The following RHOBTB2 variants were observed in gnomAD, a reference collection of about 807,000 sequenced individuals.
The protein encoded by RHOBTB2 is rho-related BTB domain-containing protein 2.
Under a neutral mutation model 66.5 loss-of-function variants are expected in RHOBTB2, and 39 were observed. The ratio of observed to expected loss-of-function variants is 0.59; its 90% CI spans 0.45 to 0.77. The LOEUF (loss-of-function observed/expected upper bound fraction) is 0.77. Ranked by LOEUF, RHOBTB2 falls within the 30% of genes least tolerant of loss-of-function variation. The probability of loss-of-function intolerance (pLI) is 0.00; values close to 1 mark genes in which losing one functional copy is unlikely to be tolerated. For synonymous variants in RHOBTB2, 390 were observed against 395.0 expected (o/e 0.99, Z 0.15); for missense variants, 755 against 999.1 (o/e 0.76, Z 3.29).
the RHOBTB2 span, among the ~76,000 whole-genome samples, chr8:22,974,877 C>T: frequency 6.6e-6 from 1 of 152,154 alleles, no homozygotes; most frequent in Non-Finnish European, 1.5e-5. Flanking sequence ...ACTTTAAAGA[C>T]CCGCGCATAA....
Position 23,006,284 on chromosome 8 carries a change from T to TGCTC in RHOBTB2, c.482+140_482+143dup. On this transcript the variant is annotated intron_variant, in intron 4 of 9. Transcript: ENST00000251822. This position sits in a 1 kb window ranked among gnomAD's most constrained non-coding sequence, Gnocchi z 6.1. ...AGCTTGCATTGGGAGTCAACAAGCA[T>TGCTC]GCTCATTCATTCATTCATTCATATA... The TGCTC allele has an allele frequency of 7.0e-6, 5 of 717,550 alleles. No individual in the cohort carries two copies. In the South Asian group the frequency reaches 8.8e-5, roughly 13 times the overall value. The allele number at this position is 717,550 out of a possible 1,614,324, so 44.4% of individuals were successfully genotyped here. A position where few individuals can be genotyped will look rare whatever the true frequency, so the allele number is the denominator to read the frequency against.
chr8:23,009,997 CTG>C (rs1811088563), intron 6 of RHOBTB2, among the ~76,000 whole-genome samples: 1 of 152,208 alleles, frequency 6.6e-6, no homozygotes, highest in Admixed American at 6.5e-5. Flanking sequence ...AAGAAATCAG[CTG>C]CTGTGGGCCT....
chr8:22,979,994 G>A, the RHOBTB2 span, among the ~76,000 whole-genome samples: 2 of 151,902 alleles, frequency 1.3e-5, no homozygotes, highest in Non-Finnish European at 2.9e-5. Context: ...TATTGACCTC[G>A]TGATCCACCC....
At chr8:23,007,820 G>C in intron 5 of RHOBTB2, 74 bp downstream of exon 5, 2 of 1,566,346 alleles carry the variant, frequency 1.3e-6, no homozygotes, top group Middle Eastern at 3.4e-4. Flanking sequence ...CTCAGCTCCT[G>C]GTGTCCTGGA....
chr8:23,000,480 T>C (rs756800109), intron 1 of RHOBTB2, among the ~76,000 whole-genome samples: 44 of 152,226 alleles, frequency 2.9e-4, no homozygotes, highest in Non-Finnish European at 5.7e-4. Context: ...GGTGTTTTGC[T>C]GGCGGTTCCG....
the RHOBTB2 span, among the ~76,000 whole-genome samples, chr8:22,957,962 C>T: frequency 7.6e-3 from 1,157 of 152,274 alleles, 13 homozygotes; most frequent in African/African-American, 0.026. Context: ...GTGTTTAATC[C>T]TAAACGGGTC....
At chr8:22,960,871 G>A in the RHOBTB2 span, among the ~76,000 whole-genome samples, 1 of 152,180 alleles carries the variant, frequency 6.6e-6, no homozygotes, top group Admixed American at 6.5e-5. Context: ...TCCCTGGGCA[G>A]TTCATTGGGA....
At chr8:22,978,900 A>G in the RHOBTB2 span, among the ~76,000 whole-genome samples, 1 of 152,138 alleles carries the variant, frequency 6.6e-6, no homozygotes, top group Non-Finnish European at 1.5e-5. Flanking sequence ...TTATCTTTGA[A>G]AGTAAGTTTA....
chr8:22,971,195 T>G, the RHOBTB2 span, among the ~76,000 whole-genome samples: 1 of 152,042 alleles, frequency 6.6e-6, no homozygotes, highest in African/African-American at 2.4e-5. Flanking sequence ...TTCTGTATTT[T>G]TTTTTAAGAG....
At chr8:23,012,294 G>A (rs1179146630) in intron 7 of RHOBTB2, among the ~76,000 whole-genome samples, 2 of 152,212 alleles carry the variant, frequency 1.3e-5, no homozygotes, top group African/African-American at 4.8e-5. Context: ...AAAACCGTTG[G>A]TGAAGCACAC....
At position 23,007,184 on chromosome 8, in the gene RHOBTB2, C is replaced by T. The variant is rs1810988478; in HGVS notation, c.939C>T (p.Gly313=). The change falls in exon 5 of 10, where the codon GGC becomes GGT. Residue 313 remains glycine, a synonymous_variant. Coordinates refer to ENST00000251822, the MANE Select transcript of RHOBTB2 (RefSeq NM_015178.3). The part of the protein sequence containing the change: ...GELGGPSEPG[G]THPEDHQGHS... The stretch of plus-strand genomic sequence containing the variant: ...TGGGGGGCCCCTCGGAGCCAGGGGG[C>T]ACCCACCCAGAGGACCACCAGGGCC... 1 of 1,603,660 alleles carries T rather than the reference C, an allele frequency of 6.2e-7. No homozygotes were observed.
intron 7 of RHOBTB2, among the ~76,000 whole-genome samples, chr8:23,010,966 ACACC>A (rs1811129233): frequency 1.3e-5 from 2 of 152,244 alleles, no homozygotes; most frequent in Admixed American, 6.5e-5. Flanking sequence ...ACAGAGGCTC[ACACC>A]TATAATCCCA....
At chr8:22,964,158 T>C in the RHOBTB2 span, among the ~76,000 whole-genome samples, 1 of 152,112 alleles carries the variant, frequency 6.6e-6, no homozygotes, top group African/African-American at 2.4e-5. Flanking sequence ...TGAGACTCAT[T>C]TATTATTGCA....
chr8:22,973,395 AT>A, the RHOBTB2 span, among the ~76,000 whole-genome samples: 1 of 151,604 alleles, frequency 6.6e-6, no homozygotes, highest in Non-Finnish European at 1.5e-5. Flanking sequence ...TACAGGACTA[AT>A]TTTTTTTATT....
chr8:22,986,478 T>G (rs986179545), upstream of RHOBTB2, among the ~76,000 whole-genome samples: 1 of 151,736 alleles, frequency 6.6e-6, no homozygotes, highest in Non-Finnish European at 1.5e-5. Context: ...AGGCTGGTCT[T>G]GAACTACTGG....
At chr8:22,959,590 C>T in the RHOBTB2 span, among the ~76,000 whole-genome samples, 1 of 152,102 alleles carries the variant, frequency 6.6e-6, no homozygotes, top group Non-Finnish European at 1.5e-5. Flanking sequence ...ACAGCTCTCC[C>T]AGGAAGAAAT....
chr8:22,992,693 G>T (rs1323129813), intron 2 of RHOBTB2, among the ~76,000 whole-genome samples: 2 of 152,224 alleles, frequency 1.3e-5, no homozygotes, highest in African/African-American at 4.8e-5. Context: ...TATATATCAT[G>T]CATTTCCTTT....
chr8:22,995,902 T>C, upstream of RHOBTB2: 1 of 1,550,746 alleles, frequency 6.4e-7, no homozygotes, highest in South Asian at 1.2e-5. Flanking sequence ...CTGCAAAGTG[T>C]TGAAGGGTAA....
rs1811363619 is a variant in RHOBTB2, at chr8:23,018,444, C to T, written c.*975C>T. 6.5e-6 allele frequency: 1 copy of T among 152,726 alleles called. No homozygotes were observed. Among genetic ancestry groups the T allele is most frequent in the Admixed American group, 6.5e-5 (1 of 15,294 alleles). 9.5% of individuals were successfully genotyped at this position (152,726 alleles called of 1,614,324 possible). ...CAAAGAATGAAAATCAGAAAAAGCCCCTGCCTAGCTCACATTTCTATAAAC... is the reference window on the plus strand; with the variant it reads ...CAAAGAATGAAAATCAGAAAAAGCCTCTGCCTAGCTCACATTTCTATAAAC... On this transcript the variant is annotated 3_prime_UTR_variant, in exon 10 of 10. Coordinates refer to ENST00000251822, the MANE Select transcript of RHOBTB2 (RefSeq NM_015178.3).
Sources: gnomAD v4.1 joint callset for allele counts (sites outside exome capture counted in the v4.1 genomes callset) on GRCh38, gnomAD v4.1.1 for gene constraint, Gnocchi (gnomAD v3.1) non-coding constraint, MANE v1.5 for transcripts, NCBI Gene and HGNC (gene_info 2026-07-23, HGNC 2026-07-21) for gene names.